The following PRKD3 variants were observed in gnomAD, a reference collection of about 807,000 sequenced individuals.
PRKD3 encodes protein kinase D3.
Under a neutral mutation model 99.2 loss-of-function variants are expected in PRKD3, and 47 were observed. That is an observed-to-expected ratio of 0.47 (90% CI 0.38 to 0.60). PRKD3 has a LOEUF of 0.60. PRKD3 is among the 20% of genes least tolerant of loss of function. The pLI, the probability that PRKD3 is intolerant of heterozygous loss-of-function variation, is 0.00. For synonymous variants in PRKD3, 392 were observed against 355.4 expected (o/e 1.10, Z -1.16); for missense variants, 1,019 against 1,088.4 (o/e 0.94, Z 0.90).
intron 8 of PRKD3, 44 bp from the exon 9 acceptor site, chr2:37,278,033 A>G (rs1326782890): frequency 6.6e-7 from 1 of 1,523,932 alleles, no homozygotes; most frequent in African/African-American, 1.4e-5. Context: ...GATTTTTAAA[A>G]AATCATATAA....
intron 2 of PRKD3, among the ~76,000 whole-genome samples, chr2:37,311,686 T>C (rs988849206): frequency 6.6e-6 from 1 of 152,164 alleles, no homozygotes; most frequent in Admixed American, 6.5e-5. Context: ...ATGTGGAAAA[T>C]AAGATGGCAC....
intron 17 of PRKD3, among the ~76,000 whole-genome samples, chr2:37,255,115 G>A (rs1667828379): frequency 6.6e-6 from 1 of 152,204 alleles, no homozygotes; most frequent in Non-Finnish European, 1.5e-5. Context: ...TCTGATAGAA[G>A]AGGTCTACAG....
At chr2:37,264,441 G>A (rs1329141806) in intron 14 of PRKD3, among the ~76,000 whole-genome samples, 2 of 139,770 alleles carry the variant, frequency 1.4e-5, no homozygotes, top group African/African-American at 5.4e-5. Flanking sequence ...ACAGACAATG[G>A]GAAATAAAAT....
intron 1 of PRKD3, among the ~76,000 whole-genome samples, chr2:37,319,194 G>GA (rs989394111): frequency 1.3e-5 from 2 of 151,840 alleles, no homozygotes; most frequent in African/African-American, 2.4e-5. Context: ...AGCAAAGCCA[G>GA]AAAAAAAAGA....
At chr2:37,320,065 G>T (rs976124945) in intron 1 of PRKD3, among the ~76,000 whole-genome samples, 1 of 152,158 alleles carries the variant, frequency 6.6e-6, no homozygotes, top group Non-Finnish European at 1.5e-5. Context: ...TAACAACTAA[G>T]CCTTTACTTT....
chr2:37,322,685 T>C (rs936716639), intron 1 of PRKD3, among the ~76,000 whole-genome samples: 7 of 152,214 alleles, frequency 4.6e-5, no homozygotes, highest in African/African-American at 1.4e-4. Context: ...GGAAAAATTT[T>C]TTTTCCTACA....
intron 2 of PRKD3, among the ~76,000 whole-genome samples, chr2:37,299,776 A>G (rs1670842006): frequency 6.6e-6 from 1 of 152,360 alleles, no homozygotes; most frequent in East Asian, 1.9e-4. Flanking sequence ...CCCGATTGGT[A>G]TATGAAAAGA....
At chr2:37,317,386 T>C (rs1276855829) in intron 1 of PRKD3, among the ~76,000 whole-genome samples, 1 of 152,202 alleles carries the variant, frequency 6.6e-6, no homozygotes, top group Non-Finnish European at 1.5e-5. Context: ...AAAAATATCC[T>C]TGGCACTCTA....
intron 2 of PRKD3, among the ~76,000 whole-genome samples, chr2:37,315,926 T>C (rs1671636103): frequency 6.6e-6 from 1 of 152,230 alleles, no homozygotes; most frequent in Non-Finnish European, 1.5e-5. Context: ...CGTTTCAACA[T>C]GTTGGCCAGG....
intron 17 of PRKD3, among the ~76,000 whole-genome samples, chr2:37,255,165 C>T (rs1272734567): frequency 2.0e-5 from 3 of 152,288 alleles, no homozygotes; most frequent in South Asian, 2.1e-4. Flanking sequence ...CACTGGTTAA[C>T]ATCAAAAAAC....
intron 1 of PRKD3, among the ~76,000 whole-genome samples, chr2:37,320,685 G>T (rs1671847980): frequency 6.6e-6 from 1 of 151,966 alleles, no homozygotes; most frequent in African/African-American, 2.4e-5. Context: ...GCCCATCTCG[G>T]CCTCCCAAAG....
chr2:37,284,821 T>C (rs1670014184), intron 6 of PRKD3, among the ~76,000 whole-genome samples: 1 of 152,186 alleles, frequency 6.6e-6, no homozygotes, highest in Admixed American at 6.5e-5. Flanking sequence ...CTTTAAGTTT[T>C]AGGGTACATG....
At chr2:37,308,582 G>A (rs1384880085) in intron 2 of PRKD3, among the ~76,000 whole-genome samples, 1 of 123,554 alleles carries the variant, frequency 8.1e-6, no homozygotes, top group African/African-American at 3.1e-5. Context: ...AGCCTCCCGA[G>A]TAGTTGGGAT....
intron 2 of PRKD3, among the ~76,000 whole-genome samples, chr2:37,311,454 G>A (rs1671421508): frequency 6.6e-6 from 1 of 152,136 alleles, no homozygotes; most frequent in South Asian, 2.1e-4. Context: ...AGTGACTGAA[G>A]AGTAGTGCAC....
chr2:37,289,470 T>C lies in PRKD3; in HGVS notation c.603A>G (p.Pro201=), dbSNP rs1356209352. Residue 201 remains proline, a synonymous_variant, in exon 5 of 19, where the codon CCA becomes CCG. Coordinates refer to ENST00000234179, the MANE Select transcript of PRKD3 (RefSeq NM_005813.6). ...NYHKRCAFKI[P]NNCSGVRKRR... The stretch of plus-strand genomic sequence containing the variant: ...TCTTTCTTACTCCACTACAGTTATT[T>C]GGAATCTTGAAGGCACATCGTTTAT... 1.2e-6 allele frequency: 2 copies of C among 1,613,762 alleles called. No homozygotes were observed. The highest frequency in any genetic ancestry group is 2.2e-5 in the East Asian group (1 of 44,872).
Position 37,277,921 on chromosome 2 carries a change from C to A in PRKD3, c.1241G>T (p.Ser414Ile). The A allele has an allele frequency of 2.5e-6, 4 of 1,613,608 alleles. No individual in the cohort carries two copies. In the South Asian group the frequency reaches 4.4e-5, roughly 18 times the overall value. The change falls in exon 9 of 19, where the codon AGC becomes ATC. Residue 414 changes from serine (S) to isoleucine (I), a missense_variant. Around this residue, in one of 3 missense-constraint regions of PRKD3, gnomAD observed 710 missense variants for 692.7 expected, o/e 1.02. Coordinates refer to ENST00000234179, the MANE Select transcript of PRKD3 (RefSeq NM_005813.6). Reference sequence around the variant, plus strand: ...CCACCCTTCCTTCACCATTGTGCTGCTCTTCCTCTTTGTGTGCTTGATGGA... The same window carrying A: ...CCACCCTTCCTTCACCATTGTGCTGATCTTCCTCTTTGTGTGCTTGATGGA... Reference protein sequence around the residue: ...VQSIKHTKRKSSTMVKEGWMV... With the variant: ...VQSIKHTKRKISTMVKEGWMV...
chr2:37,259,891 A>G (rs933481884), intron 15 of PRKD3, among the ~76,000 whole-genome samples: 6 of 152,224 alleles, frequency 3.9e-5, no homozygotes, highest in African/African-American at 1.4e-4. Context: ...TTAGCTGGAT[A>G]CAGTGGCTCA....
chr2:37,307,732 A>T (rs561275794), intron 2 of PRKD3, among the ~76,000 whole-genome samples: 1 of 152,228 alleles, frequency 6.6e-6, no homozygotes, highest in East Asian at 1.9e-4. Context: ...AACAACAACA[A>T]CAACAGTAAA....
At chr2:37,296,062 A>T (rs1670661275) in intron 2 of PRKD3, among the ~76,000 whole-genome samples, 1 of 151,786 alleles carries the variant, frequency 6.6e-6, no homozygotes, top group Non-Finnish European at 1.5e-5. Flanking sequence ...ATGGAAAGAG[A>T]CAAGGAACTT....
Sources: gnomAD v4.1 joint callset for allele counts (sites outside exome capture counted in the v4.1 genomes callset) on GRCh38, gnomAD v4.1.1 for gene constraint, gnomAD v4.1.1 regional missense constraint, MANE v1.5 for transcripts, NCBI Gene and HGNC (gene_info 2026-07-23, HGNC 2026-07-21) for gene names.